The following MAPK10 variants were observed in gnomAD, a reference collection of about 807,000 sequenced individuals.
MAPK10 encodes the protein JNK3 alpha protein kinase.
MAPK10 carries 25 observed loss-of-function variants against 59.3 expected under a neutral mutation model. The ratio of observed to expected loss-of-function variants is 0.42; its 90% CI spans 0.31 to 0.59. The LOEUF (loss-of-function observed/expected upper bound fraction) is 0.59, where lower values mean the gene tolerates loss of function less well. MAPK10 is among the 20% of genes least tolerant of loss of function. The probability of loss-of-function intolerance (pLI) is 0.15; values close to 1 mark genes in which losing one functional copy is unlikely to be tolerated. For missense variants in MAPK10, 351 were observed against 568.9 expected (o/e 0.62, Z 3.90); for synonymous variants, 190 against 200.5 (o/e 0.95, Z 0.44).
chr4:86,361,867 T>C (rs1737027885), upstream of MAPK10, among the ~76,000 whole-genome samples: 1 of 152,078 alleles, frequency 6.6e-6, no homozygotes, highest in South Asian at 2.1e-4. Flanking sequence ...AGAATGGTGG[T>C]TACCAGTGGC....
intron 1 of MAPK10, among the ~76,000 whole-genome samples, chr4:86,564,437 T>C (rs1760910849): frequency 6.6e-6 from 1 of 152,224 alleles, no homozygotes; most frequent in African/African-American, 2.4e-5. Context: ...TTTCAGAGCC[T>C]CTTGCTTGCT....
rs534409401 is a variant in MAPK10, at chr4:86,281,045, T to C, written c.-7+73485A>G. On this transcript the variant is annotated intron_variant, in intron 2 of 13. Transcript: ENST00000641462. ...CATTCATACCCCAAACCTCAGCATA[T>C]ACAATATACCCTGTGACAAACCTGC... 5.0e-4 allele frequency among the ~76,000 whole-genome samples: 76 copies of C among 152,164 alleles called. 1 individual carries two copies. In the South Asian group the frequency reaches 0.015, roughly 29 times the overall value.
chr4:86,442,478 A>C (rs1461518576), intron 1 of MAPK10, among the ~76,000 whole-genome samples: 1 of 152,150 alleles, frequency 6.6e-6, no homozygotes, highest in African/African-American at 2.4e-5. Context: ...ATCTGCTTTA[A>C]ATATTTGCTT....
chr4:86,207,228 G>T (rs1225890371), intron 2 of MAPK10, among the ~76,000 whole-genome samples: 2 of 151,552 alleles, frequency 1.3e-5, no homozygotes, highest in African/African-American at 2.4e-5. Flanking sequence ...TTTGTATAAG[G>T]TGTAAGGAAG....
At chr4:86,477,598 A>C (rs1753210502) in intron 1 of MAPK10, among the ~76,000 whole-genome samples, 1 of 152,164 alleles carries the variant, frequency 6.6e-6, no homozygotes, top group Admixed American at 6.5e-5. Flanking sequence ...GCACGCTTTA[A>C]AAGGATTAAA....
chr4:86,542,902 G>A (rs1483997618), intron 1 of MAPK10, among the ~76,000 whole-genome samples: 1 of 152,162 alleles, frequency 6.6e-6, no homozygotes, highest in Non-Finnish European at 1.5e-5. Flanking sequence ...GCATGAAAGT[G>A]CAGCTAGTGC....
upstream of MAPK10, among the ~76,000 whole-genome samples, chr4:86,362,326 C>T (rs1737139542): frequency 6.6e-6 from 1 of 151,658 alleles, no homozygotes; most frequent in Non-Finnish European, 1.5e-5. Flanking sequence ...ATATATAACA[C>T]TATTAAAATA....
chr4:86,345,738 C>A (rs1242841194), intron 2 of MAPK10, among the ~76,000 whole-genome samples: 1 of 152,088 alleles, frequency 6.6e-6, no homozygotes, highest in Non-Finnish European at 1.5e-5. Context: ...AAATCTTGAA[C>A]AAAACACCCC....
At chr4:86,525,061 G>C (rs1422705203) in intron 1 of MAPK10, among the ~76,000 whole-genome samples, 1 of 152,086 alleles carries the variant, frequency 6.6e-6, no homozygotes, top group Admixed American at 6.6e-5. Flanking sequence ...ACTTTGGGAG[G>C]CTGACACGGG....
intron 1 of MAPK10, among the ~76,000 whole-genome samples, chr4:86,509,962 G>A (rs1450688815): frequency 6.6e-6 from 1 of 152,160 alleles, no homozygotes; most frequent in African/African-American, 2.4e-5. Flanking sequence ...TGTCTAAATT[G>A]TAAAATCTGG....
At chr4:86,171,950 G>T (rs1216435534) in intron 3 of MAPK10, among the ~76,000 whole-genome samples, 5 of 150,556 alleles carry the variant, frequency 3.3e-5, no homozygotes, top group Non-Finnish European at 7.4e-5. Flanking sequence ...AGACATTTAT[G>T]CAGCCAAAAG....
intron 3 of MAPK10, among the ~76,000 whole-genome samples, chr4:86,163,666 C>T (rs1297745932): frequency 6.6e-6 from 1 of 152,096 alleles, no homozygotes; most frequent in Non-Finnish European, 1.5e-5. Flanking sequence ...TTCAGTAATA[C>T]TAGGATAAGG....
chr4:86,355,803 C>T lies in MAPK10; in HGVS notation c.-121-1159G>A, dbSNP rs776507161. On this transcript the variant is annotated intron_variant, in intron 1 of 13. Coordinates refer to ENST00000641462, the MANE Select transcript of MAPK10 (RefSeq NM_138982.4). The stretch of plus-strand genomic sequence containing the variant: ...CTTCCGCCTACAAACACTGAATAAA[C>T]ATTGCCAAATAAACAGACCTAACCT... 7.2e-5 allele frequency among the ~76,000 whole-genome samples: 11 copies of T among 152,274 alleles called. No individual in the cohort carries two copies. The East Asian group carries it at 2.1e-3, about 29-fold the overall frequency.
chr4:86,083,605 G>A (rs2051132927), intron 9 of MAPK10, among the ~76,000 whole-genome samples: 1 of 152,072 alleles, frequency 6.6e-6, no homozygotes, highest in Admixed American at 6.6e-5. Context: ...TTGAAAGGCA[G>A]GTCACTGCCT....
At chr4:86,484,516 T>G (rs527404560) in intron 1 of MAPK10, among the ~76,000 whole-genome samples, 1 of 152,330 alleles carries the variant, frequency 6.6e-6, no homozygotes, top group South Asian at 2.1e-4. Context: ...TTTGTGACTC[T>G]GTGCAAGTTG....
At chr4:86,101,466 A>G (rs1228614845) in intron 7 of MAPK10, 2 of 415,122 alleles carry the variant, frequency 4.8e-6, no homozygotes, top group Non-Finnish European at 8.7e-6. Flanking sequence ...GAGGTTTTAG[A>G]AAAAAAAATA....
At chr4:86,088,339 C>T (rs572419387) in intron 9 of MAPK10, among the ~76,000 whole-genome samples, 2 of 152,022 alleles carry the variant, frequency 1.3e-5, no homozygotes, top group African/African-American at 2.4e-5. Flanking sequence ...TCACCGTGCC[C>T]GGCTAAATTT....
intron 4 of MAPK10, among the ~76,000 whole-genome samples, chr4:86,135,426 C>G (rs1419554477): frequency 6.6e-6 from 1 of 152,182 alleles, no homozygotes; most frequent in Non-Finnish European, 1.5e-5. Context: ...AGCAGGGGCA[C>G]ACTGAAACCT....
intron 1 of MAPK10, among the ~76,000 whole-genome samples, chr4:86,545,480 A>C (rs1389218450): frequency 6.6e-6 from 1 of 152,200 alleles, no homozygotes; most frequent in African/African-American, 2.4e-5. Context: ...CGTGACGAAA[A>C]GACCTCAGAA....
Sources: gnomAD v4.1 joint callset for allele counts (sites outside exome capture counted in the v4.1 genomes callset) on GRCh38, gnomAD v4.1.1 for gene constraint, MANE v1.5 for transcripts, NCBI Gene and HGNC (gene_info 2026-07-23, HGNC 2026-07-21) for gene names.